ZNF609: variants seen among roughly 807,000 people sequenced by gnomAD.
ZNF609 encodes zinc finger protein 609.
In ZNF609, 11 loss-of-function variants were observed where a neutral mutation model predicts 109.5. The ratio of observed to expected loss-of-function variants is 0.10; its 90% CI spans 0.06 to 0.17. The LOEUF is 0.17. Among genes scored for constraint, ZNF609 ranks in the 10% least tolerant of loss-of-function variants. The pLI is 1.00. For synonymous variants in ZNF609, 646 were observed against 662.0 expected (o/e 0.98, Z 0.37); for missense variants, 1,559 against 1,772.4 (o/e 0.88, Z 2.16).
intron 3 of ZNF609, among the ~76,000 whole-genome samples, chr15:64,625,158 T>A (rs954519802): frequency 2.6e-5 from 4 of 152,222 alleles, no homozygotes; most frequent in African/African-American, 9.6e-5. Flanking sequence ...AATGTGTATC[T>A]TTTCTACTGT....
At chr15:64,670,881 A>G (rs1042360278) in intron 4 of ZNF609, among the ~76,000 whole-genome samples, 78 of 144,356 alleles carry the variant, frequency 5.4e-4, no homozygotes, top group African/African-American at 1.9e-3. Context: ...CTCCATCTCA[A>G]AAAAAAAAAA....
chr15:64,610,814 GTA>G (rs1895704245), intron 2 of ZNF609, among the ~76,000 whole-genome samples: 2 of 152,114 alleles, frequency 1.3e-5, no homozygotes, highest in Non-Finnish European at 2.9e-5. Flanking sequence ...AGGACTGACA[GTA>G]TGAATAATGA....
intron 2 of ZNF609, among the ~76,000 whole-genome samples, chr15:64,528,005 A>G (rs998716934): frequency 2.6e-5 from 4 of 152,222 alleles, no homozygotes; most frequent in Non-Finnish European, 1.5e-5. Context: ...TTCCGAATGA[A>G]GTTAAACACC....
intron 1 of ZNF609, among the ~76,000 whole-genome samples, chr15:64,469,738 A>AG (rs2140329400): frequency 6.6e-6 from 1 of 152,212 alleles, no homozygotes; most frequent in South Asian, 2.1e-4. Context: ...GAAAGCTGCA[A>AG]AAAAGGCTGG....
chr15:64,514,809 T>C (rs538504825), intron 2 of ZNF609, among the ~76,000 whole-genome samples: 1 of 152,246 alleles, frequency 6.6e-6, no homozygotes, highest in African/African-American at 2.4e-5. Flanking sequence ...TGGCTAGTTG[T>C]TGTATTTTTT....
intron 2 of ZNF609, among the ~76,000 whole-genome samples, chr15:64,536,101 G>T (rs1013057128): frequency 6.6e-6 from 1 of 151,838 alleles, no homozygotes; most frequent in East Asian, 1.9e-4. Flanking sequence ...TGCCATTGTA[G>T]CTTTGAACTC....
At chr15:64,543,545 C>T (rs1490269723) in intron 2 of ZNF609, among the ~76,000 whole-genome samples, 2 of 151,122 alleles carry the variant, frequency 1.3e-5, no homozygotes, top group African/African-American at 2.4e-5. Flanking sequence ...TGGGTTCAAA[C>T]GTTTCTCCTG....
At chr15:64,596,776 G>A (rs1233811634) in intron 2 of ZNF609, among the ~76,000 whole-genome samples, 1 of 152,086 alleles carries the variant, frequency 6.6e-6, no homozygotes, top group African/African-American at 2.4e-5. Flanking sequence ...TTTGTTAAAT[G>A]GTTGGGTTCT....
At chr15:64,570,481 GCAT>G (rs961312197) in intron 2 of ZNF609, among the ~76,000 whole-genome samples, 1 of 152,160 alleles carries the variant, frequency 6.6e-6, no homozygotes, top group Admixed American at 6.5e-5. Flanking sequence ...AGGAAGAGTA[GCAT>G]CATCAATTGT....
rs1041030708 is a variant in ZNF609 at position 64,652,189 on chromosome 15, A to G, written c.974-18157A>G. Among the ~76,000 whole-genome samples the G allele has an allele frequency of 2.6e-5, 4 of 151,756 alleles. 1 individual carries two copies. In the South Asian group the frequency reaches 6.2e-4, roughly 24 times the overall value. ...TACAGGCGAGCCAACACACCTGACT[A>G]ATTTTTGTATTTTTGGTGGAGATGG... is the stretch of plus-strand genomic sequence containing the variant. On this transcript the variant is annotated intron_variant, in intron 3 of 9. Transcript: ENST00000326648.
intron 2 of ZNF609, among the ~76,000 whole-genome samples, chr15:64,572,488 G>T (rs1894873964): frequency 6.6e-6 from 1 of 152,102 alleles, no homozygotes; most frequent in Admixed American, 6.6e-5. Context: ...AATTTATTTT[G>T]GTTGTCTCTC....
intron 1 of ZNF609, among the ~76,000 whole-genome samples, chr15:64,478,222 T>C (rs1290394539): frequency 1.3e-5 from 2 of 150,772 alleles, no homozygotes; most frequent in Non-Finnish European, 3.0e-5. Context: ...GGGGTCTTGC[T>C]GTGTTGCCCA....
At chr15:64,668,876 C>G (rs1255636394) in intron 3 of ZNF609, among the ~76,000 whole-genome samples, 1 of 143,450 alleles carries the variant, frequency 7.0e-6, no homozygotes, top group Non-Finnish European at 1.5e-5. Context: ...TGCTTGAACC[C>G]AGGAGGCGGA....
In ZNF609 at chr15:64,675,767, C is replaced by G. The variant is rs1371495228; in HGVS notation, c.2913C>G (p.Ser971=). 3.7e-6 allele frequency: 6 copies of G among 1,614,076 alleles called. No homozygotes were observed. The highest frequency in any genetic ancestry group is 5.1e-6 in the Non-Finnish European group (6 of 1,180,058). The change falls in exon 5 of 10, where the codon TCC becomes TCG. Residue 971 remains serine (S), a synonymous_variant. Transcript: ENST00000326648. ...IQQRPNMYMQ[S]LYYNQYAYVP... ...AGCGTCCCAATATGTACATGCAGTC[C>G]CTGTACTACAACCAGTATGCCTATG...
chr15:64,460,544 G>T (rs573489258), upstream of ZNF609, among the ~76,000 whole-genome samples: 10 of 152,234 alleles, frequency 6.6e-5, no homozygotes, highest in East Asian at 1.9e-3. Flanking sequence ...CCGAGGGCCT[G>T]GCAGTCCAGT....
At chr15:64,507,859 A>T (rs1038656741) in intron 2 of ZNF609, among the ~76,000 whole-genome samples, 1 of 152,212 alleles carries the variant, frequency 6.6e-6, no homozygotes, top group Non-Finnish European at 1.5e-5. Context: ...CATTAGCATC[A>T]GGAAGGTGCC....
At chr15:64,654,758 T>C (rs1471178627) in intron 3 of ZNF609, among the ~76,000 whole-genome samples, 1 of 152,304 alleles carries the variant, frequency 6.6e-6, no homozygotes, top group Admixed American at 6.5e-5. Context: ...ATTACAACCT[T>C]ATAGGCTAGA....
chr15:64,630,086 A>ATT (rs1453452524), intron 3 of ZNF609, among the ~76,000 whole-genome samples: 1 of 129,532 alleles, frequency 7.7e-6, no homozygotes, highest in African/African-American at 3.3e-5. Flanking sequence ...CATCCTCCTA[A>ATT]TTTTCTTTTT....
At chr15:64,597,691 T>C (rs1369455911) in intron 2 of ZNF609, among the ~76,000 whole-genome samples, 1 of 152,212 alleles carries the variant, frequency 6.6e-6, no homozygotes, top group Non-Finnish European at 1.5e-5. Flanking sequence ...TGGAAGATGC[T>C]GCTTGGTTCT....
Sources: gnomAD v4.1 joint callset for allele counts (sites outside exome capture counted in the v4.1 genomes callset) on GRCh38, gnomAD v4.1.1 for gene constraint, MANE v1.5 for transcripts, NCBI Gene and HGNC (gene_info 2026-07-23, HGNC 2026-07-21) for gene names.